The following LGALS13 variants were observed in gnomAD, a reference collection of about 807,000 sequenced individuals.
The protein encoded by LGALS13 is galectin 13.
In LGALS13, 11 loss-of-function variants were observed where a neutral mutation model predicts 13.2. That is an observed-to-expected ratio of 0.83 (90% CI 0.52 to 1.38). The LOEUF (loss-of-function observed/expected upper bound fraction) is 1.38. Ranked by LOEUF, LGALS13 falls within the 40% of genes most tolerant of loss-of-function variation. The probability of loss-of-function intolerance (pLI) is 0.00; values close to 1 mark genes in which losing one functional copy is unlikely to be tolerated. For synonymous variants in LGALS13, 71 were observed against 63.7 expected (o/e 1.11, Z -0.54); for missense variants, 183 against 174.3 (o/e 1.05, Z -0.28).
intron 3 of LGALS13, among the ~76,000 whole-genome samples, chr19:39,606,392 A>C (rs1410413692): frequency 6.6e-6 from 1 of 152,158 alleles, no homozygotes; most frequent in Non-Finnish European, 1.5e-5. Flanking sequence ...GGGGCACTAA[A>C]TTTCCTTCCA....
intron 3 of LGALS13, among the ~76,000 whole-genome samples, chr19:39,606,512 C>T (rs188712396): frequency 1.0e-3 from 154 of 152,284 alleles, no homozygotes; most frequent in African/African-American, 3.4e-3. Flanking sequence ...AATGGAAAAA[C>T]TGGCTCAAAA....
rs925754232 is a variant in LGALS13, at chr19:39,604,633, T to A, written c.47T>A (p.Val16Asp). ...TACAAACTGCCTGTGTCTTTGTCTG[T>A]TGGTTCCTGCGTGATAATCAAAGGG... ...VPYKLPVSLSVGSCVIIKGTP... is the reference protein window; with the variant it reads ...VPYKLPVSLSDGSCVIIKGTP... Residue 16 changes from valine to aspartate, a missense_variant, in exon 2 of 4, where the codon GTT (valine) becomes GAT (aspartate). Coordinates refer to ENST00000221797, the MANE Select transcript of LGALS13 (RefSeq NM_013268.3). The A allele has an allele frequency of 1.2e-6, 2 of 1,614,092 alleles. No homozygotes were observed. Among genetic ancestry groups the A allele is most frequent in the African/African-American group, 2.7e-5 (2 of 74,936 alleles).
At chr19:39,606,850 T>A (rs1972696668) in intron 3 of LGALS13, among the ~76,000 whole-genome samples, 2 of 152,180 alleles carry the variant, frequency 1.3e-5, no homozygotes, top group Non-Finnish European at 2.9e-5. Flanking sequence ...CTGAAAAGTA[T>A]GCATTCAACG....
At chr19:39,606,093 C>A (rs566008104) in intron 3 of LGALS13, among the ~76,000 whole-genome samples, 1 of 152,292 alleles carries the variant, frequency 6.6e-6, no homozygotes, top group Non-Finnish European at 1.5e-5. Flanking sequence ...GTTATCTGCC[C>A]AATTTGGCCT....
At position 39,607,414 on chromosome 19, in the gene LGALS13, C is replaced by A; in HGVS notation, c.*75C>A. The A allele has an allele frequency of 1.1e-6, 1 of 940,034 alleles. No homozygotes were observed. Among genetic ancestry groups the A allele is most frequent in the Non-Finnish European group, 1.8e-6 (1 of 567,786 alleles). 58.2% of individuals were successfully genotyped at this position (940,034 alleles called of 1,614,324 possible). A position where few individuals can be genotyped will look rare whatever the true frequency, so the allele number is the denominator to read the frequency against. On this transcript the variant is annotated 3_prime_UTR_variant, in exon 4 of 4. Transcript: ENST00000221797. ...CCATGGGATTCCCAGAACCTGCTAA[C>A]AGAATAATCCCTGCTCACATTTTCC... is the stretch of plus-strand genomic sequence containing the variant.
intron 3 of LGALS13, 79 bp from the exon 4 acceptor site, chr19:39,607,144 G>A: frequency 1.1e-6 from 1 of 919,270 alleles, no homozygotes; most frequent in East Asian, 2.4e-5. Flanking sequence ...AATGTTATTT[G>A]TACCAGGACA....
At chr19:39,606,252 A>G (rs899503100) in intron 3 of LGALS13, among the ~76,000 whole-genome samples, 3 of 152,188 alleles carry the variant, frequency 2.0e-5, no homozygotes, top group East Asian at 3.8e-4. Flanking sequence ...CGCTTCAAGA[A>G]CTAAGTTGAT....
chr19:39,605,827 GTTTTGTTTGTTTGTTTGT>G (rs1184419584), intron 3 of LGALS13, among the ~76,000 whole-genome samples: 3 of 150,958 alleles, frequency 2.0e-5, no homozygotes, highest in South Asian at 2.1e-4. Context: ...ATTCAAAGAG[GTTTTGTTTGTTTGTTTGT>G]TTTTGTTTGT....
At chr19:39,603,772 A>C (rs1972637711) in intron 1 of LGALS13, 1 of 188,526 alleles carries the variant, frequency 5.3e-6, no homozygotes, top group Admixed American at 6.5e-5. Flanking sequence ...GATTCACTGC[A>C]GCCCAGGAGT....
chr19:39,604,972 G>A (rs1410538865), intron 2 of LGALS13: 22 of 670,402 alleles, frequency 3.3e-5, no homozygotes, highest in Admixed American at 6.5e-5. Context: ...AGTGACTGTG[G>A]CTCAGTTTTC....
chr19:39,604,253 T>C (rs1972645992), intron 1 of LGALS13, among the ~76,000 whole-genome samples: 1 of 152,138 alleles, frequency 6.6e-6, no homozygotes, highest in Non-Finnish European at 1.5e-5. Context: ...CACTTTTACA[T>C]GTATTAACTC....
Position 39,605,242 on chromosome 19 carries a change from C to T in LGALS13, c.157C>T (p.Arg53Cys), listed in dbSNP as rs968971941. 1.2e-5 allele frequency: 19 copies of T among 1,614,078 alleles called. No individual in the cohort carries two copies. Among genetic ancestry groups the T allele is most frequent in the African/African-American group, 4.0e-5 (3 of 74,932 alleles). ...GGATGAGGATTCAGATATTGCCTTC[C>T]GTTTCCGAGTGCACTTTGGCAATCA... ...DMDEDSDIAF[R>C]FRVHFGNHVV... Residue 53 changes from arginine (R) to cysteine (C), a missense_variant, in exon 3 of 4, where the codon CGT becomes TGT. By Grantham distance (180) the Arg-to-Cys change is radical. Transcript: ENST00000221797.
intron 2 of LGALS13, 114 bp from the exon 3 acceptor site, chr19:39,605,064 A>G: frequency 1.1e-6 from 1 of 887,710 alleles, no homozygotes; most frequent in Non-Finnish European, 1.8e-6. Context: ...GGCCATCAGT[A>G]TTATCTGGGA....
intron 2 of LGALS13, 101 bp from the exon 3 acceptor site, chr19:39,605,077 C>T (rs1444585711): frequency 2.9e-6 from 3 of 1,017,456 alleles, no homozygotes; most frequent in Admixed American, 2.0e-5. Context: ...ATCTGGGAGA[C>T]TTTTTCCCTA....
chr19:39,602,659 G>A (rs1972619749), intron 1 of LGALS13, 76 bp downstream of exon 1: 1 of 1,405,990 alleles, frequency 7.1e-7, no homozygotes, highest in African/African-American at 1.4e-5. Context: ...TTTATGAGAT[G>A]AAAATATGAG....
chr19:39,603,525 G>A lies in LGALS13; in HGVS notation c.15+942G>A, dbSNP rs138508071. Among the ~76,000 whole-genome samples the A allele has an allele frequency of 2.2e-4, 33 of 151,800 alleles. No homozygotes were observed. In the East Asian group the frequency reaches 6.3e-3, roughly 29 times the overall value. On this transcript the variant is annotated intron_variant, in intron 1 of 3. Transcript: ENST00000221797. ...CTACACCCATGAAAGAACAAGTTAA[G>A]TCTCAGTTCAGAAGGAGCTTACAGT...
At chr19:39,605,110 T>C (rs1382848972) in intron 2 of LGALS13, 68 bp from the exon 3 acceptor site, 2 of 1,274,040 alleles carry the variant, frequency 1.6e-6, no homozygotes, top group East Asian at 2.3e-5. Flanking sequence ...AAGGGATTTG[T>C]GTGTGTGTCG....
chr19:39,602,734 G>A (rs766404656), intron 1 of LGALS13, 151 bp downstream of exon 1: 1 of 812,882 alleles, frequency 1.2e-6, no homozygotes. Flanking sequence ...TGAGGCTATG[G>A]TATCTGAGAT....
chr19:39,606,999 A>G (rs1351578720), intron 3 of LGALS13, among the ~76,000 whole-genome samples: 1 of 152,200 alleles, frequency 6.6e-6, no homozygotes, highest in Non-Finnish European at 1.5e-5. Context: ...GACACAGAGT[A>G]TAGAACTTCG....
Sources: gnomAD v4.1 joint callset for allele counts (sites outside exome capture counted in the v4.1 genomes callset) on GRCh38, gnomAD v4.1.1 for gene constraint, MANE v1.5 for transcripts, NCBI Gene and HGNC (gene_info 2026-07-23, HGNC 2026-07-21) for gene names.